The following CNTNAP2 variants were observed in gnomAD, a reference collection of about 807,000 sequenced individuals.
The protein encoded by CNTNAP2 is contactin-associated protein-like 2.
In CNTNAP2, 98 loss-of-function variants were observed where a neutral mutation model predicts 155.2. That is an observed-to-expected ratio of 0.63 (90% CI 0.54 to 0.75). The LOEUF (loss-of-function observed/expected upper bound fraction) is 0.75. CNTNAP2 is among the 30% of genes least tolerant of loss of function. The pLI is 0.00. For missense variants in CNTNAP2, 1,727 were observed against 1,688.1 expected (o/e 1.02, Z -0.40); for synonymous variants, 651 against 631.2 (o/e 1.03, Z -0.47).
At chr7:147,792,810 C>T (rs1797839939) in intron 13 of CNTNAP2, among the ~76,000 whole-genome samples, 1 of 152,070 alleles carries the variant, frequency 6.6e-6, no homozygotes, top group Non-Finnish European at 1.5e-5. Flanking sequence ...CATTTTACAT[C>T]CCCATCAACA....
intron 1 of CNTNAP2, among the ~76,000 whole-genome samples, chr7:146,174,473 G>A (rs924253328): frequency 1.3e-5 from 2 of 151,962 alleles, no homozygotes; most frequent in Admixed American, 6.5e-5. Flanking sequence ...CGCCCACCTC[G>A]GCCTCCCAAA....
chr7:148,171,199 A>T (rs1400555366), intron 17 of CNTNAP2, among the ~76,000 whole-genome samples: 1 of 152,194 alleles, frequency 6.6e-6, no homozygotes, highest in Non-Finnish European at 1.5e-5. Context: ...GGTGAGTAGC[A>T]TATATAAGGT....
chr7:148,079,415 A>G (rs1231410784), intron 15 of CNTNAP2, among the ~76,000 whole-genome samples: 1 of 152,196 alleles, frequency 6.6e-6, no homozygotes, highest in Non-Finnish European at 1.5e-5. Context: ...GAATCCATAG[A>G]AGGGAGTGTC....
At chr7:147,665,163 C>G (rs1795674355) in intron 13 of CNTNAP2, among the ~76,000 whole-genome samples, 1 of 152,146 alleles carries the variant, frequency 6.6e-6, no homozygotes, top group Non-Finnish European at 1.5e-5. Flanking sequence ...AACCACTATT[C>G]TGACTTCTGA....
chr7:146,774,444 G>A (rs1185204192), intron 2 of CNTNAP2, 63 bp downstream of exon 2: 1 of 1,073,412 alleles, frequency 9.3e-7, no homozygotes, highest in South Asian at 1.3e-5. Context: ...TATATTTATA[G>A]CCATATATAT....
intron 15 of CNTNAP2, among the ~76,000 whole-genome samples, chr7:148,115,395 T>TA (rs1804445869): frequency 6.6e-6 from 1 of 152,240 alleles, no homozygotes; most frequent in African/African-American, 2.4e-5. Context: ...ATTGAAATTT[T>TA]AAAATGTTAA....
chr7:146,637,088 G>A (rs1348328217), intron 1 of CNTNAP2, among the ~76,000 whole-genome samples: 1 of 152,020 alleles, frequency 6.6e-6, no homozygotes, highest in Admixed American at 6.5e-5. Flanking sequence ...GAGAAATAGT[G>A]GTTTATTTCT....
intron 1 of CNTNAP2, among the ~76,000 whole-genome samples, chr7:146,748,364 C>T (rs1801847875): frequency 6.6e-6 from 1 of 152,128 alleles, no homozygotes; most frequent in East Asian, 1.9e-4. Flanking sequence ...CCAGGATGGT[C>T]TGGATCTCCT....
At chr7:147,222,980 A>C (rs192735297) in intron 8 of CNTNAP2, among the ~76,000 whole-genome samples, 35 of 152,318 alleles carry the variant, frequency 2.3e-4, no homozygotes, top group African/African-American at 8.4e-4. Context: ...TTAAGAACAC[A>C]GCGTTCTGGC....
At chr7:147,138,475 A>T (rs1801532557) in intron 8 of CNTNAP2, among the ~76,000 whole-genome samples, 1 of 151,998 alleles carries the variant, frequency 6.6e-6, no homozygotes, top group Non-Finnish European at 1.5e-5. Context: ...AGTCAATGGT[A>T]TGTTGCTCCT....
At chr7:146,500,642 T>C (rs1797287301) in intron 1 of CNTNAP2, among the ~76,000 whole-genome samples, 1 of 152,206 alleles carries the variant, frequency 6.6e-6, no homozygotes, top group Non-Finnish European at 1.5e-5. Flanking sequence ...CAAAGACGTG[T>C]CTGTGAGAGT....
At chr7:146,555,924 A>G (rs770092213) in intron 1 of CNTNAP2, among the ~76,000 whole-genome samples, 3 of 152,174 alleles carry the variant, frequency 2.0e-5, no homozygotes, top group Non-Finnish European at 2.9e-5. Context: ...TTAAGTGATT[A>G]ATGTCTGTAA....
chr7:146,204,712 A>G (rs1355874534), intron 1 of CNTNAP2, among the ~76,000 whole-genome samples: 1 of 152,096 alleles, frequency 6.6e-6, no homozygotes, highest in African/African-American at 2.4e-5. Flanking sequence ...TACATTTATA[A>G]TTCATATTAA....
At chr7:147,243,415 C>T (rs986053517) in intron 8 of CNTNAP2, among the ~76,000 whole-genome samples, 1 of 152,162 alleles carries the variant, frequency 6.6e-6, no homozygotes, top group Non-Finnish European at 1.5e-5. Context: ...TCTTCCAGCA[C>T]GCACCCTTCC....
intron 2 of CNTNAP2, among the ~76,000 whole-genome samples, chr7:146,825,626 A>T (rs964916319): frequency 1.2e-4 from 18 of 152,196 alleles, no homozygotes; most frequent in African/African-American, 4.1e-4. Flanking sequence ...AAATTACTAT[A>T]TCATAGTCTG....
At chr7:148,080,928 G>T (rs1803591514) in intron 15 of CNTNAP2, among the ~76,000 whole-genome samples, 1 of 152,158 alleles carries the variant, frequency 6.6e-6, no homozygotes, top group African/African-American at 2.4e-5. Flanking sequence ...AAATATGTAT[G>T]TGGATGGATT....
chr7:147,187,425 G>C (rs1199759165), intron 8 of CNTNAP2, among the ~76,000 whole-genome samples: 3 of 152,130 alleles, frequency 2.0e-5, no homozygotes, highest in African/African-American at 4.8e-5. Flanking sequence ...GGAATACTAG[G>C]TAGCCATAAA....
chr7:146,487,262 T>G (rs1797071085), intron 1 of CNTNAP2, among the ~76,000 whole-genome samples: 2 of 152,220 alleles, frequency 1.3e-5, no homozygotes, highest in South Asian at 4.1e-4. Flanking sequence ...ATTAGGAATG[T>G]TATACTAATG....
At chr7:146,820,039 C>T (rs1177544508) in intron 2 of CNTNAP2, among the ~76,000 whole-genome samples, 1 of 152,188 alleles carries the variant, frequency 6.6e-6, no homozygotes, top group Non-Finnish European at 1.5e-5. Flanking sequence ...ACAATGTTTA[C>T]ATTGTAATTT....
Sources: allele counts gnomAD v4.1 joint callset (sites outside exome capture counted in the v4.1 genomes callset), GRCh38; gene constraint gnomAD v4.1.1; transcripts MANE v1.5; gene names NCBI Gene and HGNC (gene_info 2026-07-23, HGNC 2026-07-21).